Variants in SECISBP2L observed in about 807,000 individuals in gnomAD.
The protein encoded by SECISBP2L is selenocysteine insertion sequence-binding protein 2-like.
A neutral mutation model predicts 114.7 loss-of-function variants in SECISBP2L; 43 were observed. That is an observed-to-expected ratio of 0.38 (90% CI 0.29 to 0.48). The LOEUF is 0.48. SECISBP2L is among the 20% of genes least tolerant of loss of function. The probability of loss-of-function intolerance (pLI) is 0.98; values close to 1 mark genes in which losing one functional copy is unlikely to be tolerated. For synonymous variants in SECISBP2L, 451 were observed against 439.7 expected, an observed-to-expected ratio of 1.03 and a Z score of -0.32; for missense variants, 1,136 against 1,301.1, an observed-to-expected ratio of 0.87 and a Z score of 1.95.
At chr15:49,046,190 C>G in intron 1 of SECISBP2L, 86 bp downstream of exon 1, 2 of 1,476,920 alleles carry the variant, frequency 1.4e-6, no homozygotes, top group Non-Finnish European at 1.8e-6. Context: ...GGCCCCCGGT[C>G]CCCACGTTCG....
chr15:49,025,448 C>T (rs902592122), intron 7 of SECISBP2L, among the ~76,000 whole-genome samples: 5 of 151,984 alleles, frequency 3.3e-5, no homozygotes, highest in African/African-American at 4.8e-5. Context: ...TGCACATAGC[C>T]GGAAGGTAAT....
At chr15:48,996,616 AT>A (rs745673647) in intron 16 of SECISBP2L, 30 bp from the exon 17 acceptor site, 36 of 1,582,968 alleles carry the variant, frequency 2.3e-5, no homozygotes, top group Admixed American at 1.0e-4. Flanking sequence ...TGATTAATCC[AT>A]TTTTTTGTTA....
chr15:49,002,630 T>C (rs1321983725), intron 14 of SECISBP2L, among the ~76,000 whole-genome samples: 1 of 152,222 alleles, frequency 6.6e-6, no homozygotes, highest in Non-Finnish European at 1.5e-5. Context: ...AATTTTTGTA[T>C]AAGGTGTAAG....
chr15:49,019,395 C>G (rs1335641676), intron 8 of SECISBP2L, 23 bp downstream of exon 8: 1 of 1,404,422 alleles, frequency 7.1e-7, no homozygotes, highest in African/African-American at 1.5e-5. Context: ...TAACAGCTTA[C>G]AAATAGAGTT....
In SECISBP2L at chr15:49,046,418, G is replaced by T. The variant is rs2141092618; in HGVS notation, c.-119C>A. 1.8e-6 allele frequency: 2 copies of T among 1,129,172 alleles called. No homozygotes were observed. The highest frequency in any genetic ancestry group is 2.4e-6 in the Non-Finnish European group (2 of 844,078). 69.9% of individuals were successfully genotyped at this position (1,129,172 alleles called of 1,614,324 possible). On this transcript the variant is annotated 5_prime_UTR_variant, in exon 1 of 18. Coordinates refer to ENST00000559471, the MANE Select transcript of SECISBP2L (RefSeq NM_001193489.2). The stretch of plus-strand genomic sequence containing the variant: ...TCCGGACCTCCGCCCCTATCTGGCT[G>T]GCCGCGACACCGATTCGGCTACGCC...
chr15:49,037,845 A>G (rs1205002179), intron 1 of SECISBP2L, 76 bp from the exon 2 acceptor site: 2 of 1,281,326 alleles, frequency 1.6e-6, no homozygotes, highest in East Asian at 2.4e-5. Context: ...TAACAACAGA[A>G]GAGTCAGTCC....
chr15:48,996,558 G>A lies in SECISBP2L; in HGVS notation c.2432C>T (p.Thr811Ile), dbSNP rs1298157820. 6.2e-7 allele frequency: 1 copy of A among 1,613,824 alleles called. No individual in the cohort carries two copies. The highest frequency in any genetic ancestry group is 1.3e-5 in the African/African-American group (1 of 74,892). The change falls in exon 17 of 18, where the codon ACT becomes ATT. Residue 811 changes from threonine to isoleucine, a missense_variant. Thr to Ile is a moderately conservative substitution (Grantham distance 89, BLOSUM62 -1). Around this residue, in one of 2 missense-constraint regions of SECISBP2L, gnomAD observed 684 missense variants for 848.7 expected, o/e 0.81. Coordinates refer to ENST00000559471, the MANE Select transcript of SECISBP2L (RefSeq NM_001193489.2). ...ESLFNKLVELTEEARKAYKDM... is the reference protein window; with the variant it reads ...ESLFNKLVELIEEARKAYKDM... ...TTTATATGCTTTCCTGGCCTCCTCA[G>A]TGAGTTCTACTAATTTATTAAACAG... is the stretch of plus-strand genomic sequence containing the variant.
chr15:48,996,405 A>G lies in SECISBP2L; in HGVS notation c.2585T>C (p.Ile862Thr). The G allele has an allele frequency of 6.2e-7, 1 of 1,614,132 alleles. No individual in the cohort carries two copies. The highest frequency in any genetic ancestry group is 8.5e-7 in the Non-Finnish European group (1 of 1,180,002). ...ATTTACTTCAGAGATCGGTTCAGAA[A>G]TAACACTGCAGAAAGAAATGGCACT... ...AASAISFCSV[I>T]SEPISEVNEK... The change falls in exon 17 of 18, where the codon ATT becomes ACT. Residue 862 changes from isoleucine (I) to threonine (T), a missense_variant. Ile to Thr is a moderately conservative substitution (Grantham distance 89). Coordinates refer to ENST00000559471, the MANE Select transcript of SECISBP2L (RefSeq NM_001193489.2).
At position 48,992,226 on chromosome 15, in the gene SECISBP2L, G is replaced by A; in HGVS notation, c.*18C>T. On this transcript the variant is annotated 3_prime_UTR_variant, in exon 18 of 18. Transcript: ENST00000559471. ...CAACCCTTCCACAGCTGGAGATAGA[G>A]AGCCGACATTTCCTGAGTTACGTAG... The A allele has an allele frequency of 6.3e-7, 1 of 1,578,214 alleles. No individual in the cohort carries two copies. The highest frequency in any genetic ancestry group is 2.3e-5 in the East Asian group (1 of 44,444).
In SECISBP2L at chr15:49,028,593, G is replaced by T; in HGVS notation, c.754C>A (p.His252Asn). 1 of 1,614,092 alleles carries T rather than the reference G, an allele frequency of 6.2e-7. No individual in the cohort carries two copies. The highest frequency in any genetic ancestry group is 1.1e-5 in the South Asian group (1 of 91,080). Reference sequence around the variant, plus strand: ...TCACTAGAAGATTCAGCAGTAGGGTGGGATGCTCTTCTTCTCCTGCCCTTG... The same window carrying T: ...TCACTAGAAGATTCAGCAGTAGGGTTGGATGCTCTTCTTCTCCTGCCCTTG... ...KSKGRRRRAS[H>N]PTAESSSEQG... The change falls in exon 5 of 18, where the codon CAC becomes AAC. Residue 252 changes from histidine (H) to asparagine (N), a missense_variant. Transcript: ENST00000559471.
At chr15:49,006,446 C>T (rs1404696578) in intron 14 of SECISBP2L, among the ~76,000 whole-genome samples, 3 of 152,050 alleles carry the variant, frequency 2.0e-5, no homozygotes, top group Admixed American at 2.0e-4. Flanking sequence ...TTGTTCATTC[C>T]TTTTCATTAT....
chr15:49,032,156 T>A (rs1566861604), intron 4 of SECISBP2L, among the ~76,000 whole-genome samples: 1 of 152,212 alleles, frequency 6.6e-6, no homozygotes, highest in Non-Finnish European at 1.5e-5. Context: ...GCCATCTTAT[T>A]CATTTCAACT....
intron 14 of SECISBP2L, among the ~76,000 whole-genome samples, chr15:49,005,920 C>A (rs1902314714): frequency 6.6e-6 from 1 of 151,986 alleles, no homozygotes. Context: ...TTAGTGCTTC[C>A]TTCAGGAGCT....
At chr15:49,028,706 C>CA in intron 4 of SECISBP2L, 24 bp from the exon 5 acceptor site, 4 of 1,576,128 alleles carry the variant, frequency 2.5e-6, no homozygotes, top group Non-Finnish European at 2.6e-6. Flanking sequence ...GAAAGTTTGA[C>CA]AATTCTTTGT....
intron 1 of SECISBP2L, chr15:49,042,229 C>T (rs1358994772): frequency 6.6e-6 from 1 of 152,192 alleles, no homozygotes; most frequent in Non-Finnish European, 1.5e-5. Flanking sequence ...GCTTAATTTT[C>T]ATTCTCCTTG....
At chr15:49,032,610 A>G (rs1216536591) in intron 4 of SECISBP2L, among the ~76,000 whole-genome samples, 1 of 152,230 alleles carries the variant, frequency 6.6e-6, no homozygotes, top group Admixed American at 6.5e-5. Flanking sequence ...ATGTTTTATA[A>G]AGGGCTTTAA....
chr15:49,015,221 T>C (rs1902512480), intron 11 of SECISBP2L, among the ~76,000 whole-genome samples: 1 of 152,164 alleles, frequency 6.6e-6, no homozygotes, highest in Non-Finnish European at 1.5e-5. Context: ...CCCCTGCTTT[T>C]AGCTACTAGG....
At chr15:49,011,532 T>C (rs1277141291) in intron 13 of SECISBP2L, 199 bp downstream of exon 13, 1 of 489,682 alleles carries the variant, frequency 2.0e-6, no homozygotes, top group Non-Finnish European at 3.5e-6. Context: ...ATAGGCCTAC[T>C]ATATAATACC....
In SECISBP2L at chr15:49,035,517, T is replaced by C. The variant is rs960583641; in HGVS notation, c.345A>G (p.Pro115=). 1.2e-6 allele frequency: 2 copies of C among 1,614,136 alleles called. No individual in the cohort carries two copies. The highest frequency in any genetic ancestry group is 1.3e-5 in the African/African-American group (1 of 75,008). ...EYTYYQLMPA[P]CAQVMGFYHP... ...GATAGAAACCCATAACCTGGGCACATGGTGCTGGCATCAGCTGATAATATG... is the reference window on the plus strand; with the variant it reads ...GATAGAAACCCATAACCTGGGCACACGGTGCTGGCATCAGCTGATAATATG... The change falls in exon 3 of 18, where the codon CCA becomes CCG. Residue 115 remains proline (P), a synonymous_variant. Transcript: ENST00000559471.
Sources: gnomAD v4.1 joint callset for allele counts (sites outside exome capture counted in the v4.1 genomes callset) on GRCh38, gnomAD v4.1.1 for gene constraint, gnomAD v4.1.1 regional missense constraint, MANE v1.5 for transcripts, NCBI Gene and HGNC (gene_info 2026-07-23, HGNC 2026-07-21) for gene names.